The following KCNIP3 variants were observed in gnomAD, a reference collection of about 807,000 sequenced individuals.
KCNIP3 encodes potassium voltage-gated channel interacting protein 3, also known as calsenilin.
A neutral mutation model predicts 35.0 loss-of-function variants in KCNIP3; 28 were observed. The observed-to-expected ratio is 0.80, with a 90% CI of 0.59 to 1.10. The LOEUF (loss-of-function observed/expected upper bound fraction) is 1.10. KCNIP3 is among the 50% of genes least tolerant of loss of function. KCNIP3 has a pLI of 0.00. For synonymous variants in KCNIP3, 134 were observed against 133.8 expected, an observed-to-expected ratio of 1.00 and a Z score of -0.01; for missense variants, 295 against 338.4, an observed-to-expected ratio of 0.87 and a Z score of 1.01.
intron 1 of KCNIP3, among the ~76,000 whole-genome samples, chr2:95,305,466 T>C (rs1403072707): frequency 6.6e-6 from 1 of 152,214 alleles, no homozygotes; most frequent in Admixed American, 6.5e-5. Context: ...GTGTCTGCAA[T>C]GATGCAACCC....
At position 95,382,269 on chromosome 2, in the gene KCNIP3, C is replaced by T; in HGVS notation, c.556-108C>T. ...TCTCTCCAGCTCGTCCGGCCCCTCG[C>T]ACTCACTGCCTTGGAGGTGCCCTGC... On this transcript the variant is annotated intron_variant, in intron 6 of 8. Coordinates refer to ENST00000295225, the MANE Select transcript of KCNIP3 (RefSeq NM_013434.5). This position sits in a 1 kb window ranked among gnomAD's most constrained non-coding sequence, Gnocchi z 4.5. 2 of 595,934 alleles carry T rather than the reference C, an allele frequency of 3.4e-6. No individual in the cohort carries two copies. Among genetic ancestry groups the T allele is most frequent in the Non-Finnish European group, 5.7e-6 (2 of 349,518 alleles). The allele number at this position is 595,934 out of a possible 1,614,324, so 36.9% of individuals were successfully genotyped here. A position where few individuals can be genotyped will look rare whatever the true frequency, so the allele number is the denominator to read the frequency against.
At chr2:95,303,667 G>A (rs141309923) in intron 1 of KCNIP3, among the ~76,000 whole-genome samples, 1,717 of 152,264 alleles carry the variant, frequency 0.011, 18 homozygotes, top group Non-Finnish European at 0.015. Context: ...AATCTGATCT[G>A]CACATTCCAC....
chr2:95,327,776 G>A (rs908818648), intron 2 of KCNIP3, among the ~76,000 whole-genome samples: 3 of 152,182 alleles, frequency 2.0e-5, no homozygotes, highest in Admixed American at 6.5e-5. Flanking sequence ...CCATCTATCC[G>A]TCCAACACAC....
At chr2:95,372,073 G>A (rs1467674229) in intron 2 of KCNIP3, among the ~76,000 whole-genome samples, 10 of 152,058 alleles carry the variant, frequency 6.6e-5, no homozygotes, top group African/African-American at 2.4e-4. Context: ...CCAAAGTGTT[G>A]GGGTTACAGG....
At chr2:95,372,724 G>A (rs1482247030) in intron 2 of KCNIP3, among the ~76,000 whole-genome samples, 1 of 152,196 alleles carries the variant, frequency 6.6e-6, no homozygotes, top group African/African-American at 2.4e-5. Flanking sequence ...GCTTGGGGAA[G>A]TTTTCCTCCA....
chr2:95,382,745 G>A lies in KCNIP3; in HGVS notation c.660+264G>A, dbSNP rs1485530361. Among the ~76,000 whole-genome samples, 1 of 152,210 alleles carries A rather than the reference G, an allele frequency of 6.6e-6. No individual in the cohort carries two copies. The highest frequency in any genetic ancestry group is 2.4e-5 in the African/African-American group (1 of 41,466). On this transcript the variant is annotated intron_variant, in intron 7 of 8. Coordinates refer to ENST00000295225, the MANE Select transcript of KCNIP3 (RefSeq NM_013434.5). The surrounding 1 kb of genome is among the most constrained non-coding windows in gnomAD (Gnocchi z 4.5). The stretch of plus-strand genomic sequence containing the variant: ...CCTGGGCCGGAGCTCCATGCCTCCT[G>A]AGAGCTGTGTGGCTCCTCCAGGAAG...
At chr2:95,327,059 G>T (rs931525137) in intron 2 of KCNIP3, among the ~76,000 whole-genome samples, 3 of 152,230 alleles carry the variant, frequency 2.0e-5, no homozygotes, top group Non-Finnish European at 4.4e-5. Flanking sequence ...TCACTCTCTT[G>T]CCGGAGGACT....
rs576159522 is a variant in KCNIP3 at position 95,323,800 on chromosome 2, C to T, written c.181+13280C>T. On this transcript the variant is annotated intron_variant, in intron 2 of 8. Transcript: ENST00000295225. ...GCCCCTGCCCTGGTCCCTAGGGCCCCGCAGGCCTTGGGGTGGCAGTGGCCT... is the reference window on the plus strand; with the variant it reads ...GCCCCTGCCCTGGTCCCTAGGGCCCTGCAGGCCTTGGGGTGGCAGTGGCCT... 5.9e-5 allele frequency among the ~76,000 whole-genome samples: 9 copies of T among 152,286 alleles called. No homozygotes were observed. In the South Asian group the frequency reaches 6.2e-4, roughly 11 times the overall value.
intron 1 of KCNIP3, among the ~76,000 whole-genome samples, chr2:95,307,384 G>A (rs1362536789): frequency 6.6e-6 from 1 of 152,254 alleles, no homozygotes; most frequent in Non-Finnish European, 1.5e-5. Flanking sequence ...AGCAAAGCCT[G>A]TGGTCAAGCC....
intron 2 of KCNIP3, chr2:95,313,270 C>G (rs1209137336): frequency 6.6e-6 from 1 of 152,244 alleles, no homozygotes; most frequent in Admixed American, 6.5e-5. Context: ...TGAGGTAGAA[C>G]GTCGGCAAGG....
At chr2:95,301,455 G>A (rs538769241) in intron 1 of KCNIP3, among the ~76,000 whole-genome samples, 1 of 152,372 alleles carries the variant, frequency 6.6e-6, no homozygotes, top group Non-Finnish European at 1.5e-5. Flanking sequence ...GCTCAGTCCA[G>A]GCCCTGTCAC....
At chr2:95,349,884 C>T (rs1285892396) in intron 2 of KCNIP3, among the ~76,000 whole-genome samples, 2 of 152,188 alleles carry the variant, frequency 1.3e-5, no homozygotes, top group African/African-American at 4.8e-5. Flanking sequence ...TCAAGGGGAT[C>T]TCATGTTGGC....
intron 1 of KCNIP3, 39 bp downstream of exon 1, chr2:95,297,492 G>T (rs1553441147): frequency 7.9e-7 from 1 of 1,259,216 alleles, no homozygotes; most frequent in Admixed American, 2.1e-5. Context: ...CTGGAGGGGG[G>T]TCGGGGGGAG....
Position 95,378,398 on chromosome 2 carries a change from A to G in KCNIP3, c.447+3190A>G, listed in dbSNP as rs1164135408. 6.6e-6 allele frequency among the ~76,000 whole-genome samples: 1 copy of G among 151,848 alleles called. No homozygotes were observed. Among genetic ancestry groups the G allele is most frequent in the Non-Finnish European group, 1.5e-5 (1 of 67,964 alleles). Reference sequence around the variant, plus strand: ...CTGTCTCAGCCTCCCAAAGTGCTGGAATTGCAGGTGTGAGCCACCACACCT... The same window carrying G: ...CTGTCTCAGCCTCCCAAAGTGCTGGGATTGCAGGTGTGAGCCACCACACCT... On this transcript the variant is annotated intron_variant, in intron 5 of 8. Coordinates refer to ENST00000295225, the MANE Select transcript of KCNIP3 (RefSeq NM_013434.5). The surrounding 1 kb of genome is among the most constrained non-coding windows in gnomAD (Gnocchi z 4.0).
At chr2:95,309,851 G>A (rs562203025) in intron 1 of KCNIP3, among the ~76,000 whole-genome samples, 12 of 152,308 alleles carry the variant, frequency 7.9e-5, no homozygotes, top group Middle Eastern at 6.8e-3. Flanking sequence ...CCCTCCTGGG[G>A]TCACCACCCA....
At chr2:95,310,556 G>A (rs775071813) in intron 2 of KCNIP3, 36 bp downstream of exon 2, 2 of 1,602,200 alleles carry the variant, frequency 1.2e-6, no homozygotes, top group Non-Finnish European at 1.7e-6. Context: ...AAGGGTGGGG[G>A]TGGGGAGATC....
intron 2 of KCNIP3, among the ~76,000 whole-genome samples, chr2:95,344,485 G>A (rs1023730159): frequency 9.2e-5 from 14 of 152,246 alleles, no homozygotes; most frequent in Admixed American, 5.2e-4. Flanking sequence ...CCACTTAGGC[G>A]TTGTTAATAT....
At chr2:95,375,024 A>G (rs191533653) in intron 4 of KCNIP3, 107 bp downstream of exon 4, 1 of 1,510,872 alleles carries the variant, frequency 6.6e-7, no homozygotes, top group African/African-American at 1.4e-5. Flanking sequence ...TCCCGTGGGA[A>G]ACAGGGACTC....
chr2:95,325,490 G>A (rs1348350406), intron 2 of KCNIP3, among the ~76,000 whole-genome samples: 1 of 152,088 alleles, frequency 6.6e-6, no homozygotes, highest in African/African-American at 2.4e-5. Context: ...GAGGTTCAGG[G>A]GGCCAAGGCA....
Sources: allele counts gnomAD v4.1 joint callset (sites outside exome capture counted in the v4.1 genomes callset), GRCh38; gene constraint gnomAD v4.1.1; non-coding constraint Gnocchi (gnomAD v3.1); transcripts MANE v1.5; gene names NCBI Gene and HGNC (gene_info 2026-07-23, HGNC 2026-07-21).